CD2AP: variants seen among roughly 807,000 people sequenced by gnomAD.
The protein encoded by CD2AP is CD2 associated protein, also known as CD2-associated protein.
CD2AP carries 46 observed loss-of-function variants against 85.1 expected under a neutral mutation model. The ratio of observed to expected loss-of-function variants is 0.54; its 90% CI spans 0.43 to 0.69. CD2AP has a LOEUF of 0.69. Ranked by LOEUF, CD2AP falls within the 30% of genes least tolerant of loss-of-function variation. The pLI is 0.00. For missense variants in CD2AP, 769 were observed against 729.5 expected, an observed-to-expected ratio of 1.05 and a Z score of -0.62; for synonymous variants, 255 against 252.9, an observed-to-expected ratio of 1.01 and a Z score of -0.08.
chr6:47,624,137 C>G, intron 17 of CD2AP, 49 bp from the exon 18 acceptor site: 1 of 1,425,324 alleles, frequency 7.0e-7, no homozygotes, highest in Non-Finnish European at 9.9e-7. Flanking sequence ...AAATAAACTA[C>G]TAAACTAAGG....
intron 1 of CD2AP, among the ~76,000 whole-genome samples, chr6:47,490,179 T>C (rs1765693064): frequency 6.6e-6 from 1 of 152,130 alleles, no homozygotes; most frequent in African/African-American, 2.4e-5. Flanking sequence ...CATAGGGTCT[T>C]GCCATATTGC....
At chr6:47,609,519 A>G (rs1769370233) in intron 16 of CD2AP, 1 of 354,630 alleles carries the variant, frequency 2.8e-6, no homozygotes. Context: ...TTTGCAAAAA[A>G]AAAAAAAAAA....
chr6:47,519,287 C>T (rs1048747061), intron 2 of CD2AP, among the ~76,000 whole-genome samples: 28 of 152,280 alleles, frequency 1.8e-4, no homozygotes, highest in African/African-American at 6.7e-4. Flanking sequence ...CAGTAAAACA[C>T]AGGAGAATGC....
intron 17 of CD2AP, among the ~76,000 whole-genome samples, chr6:47,619,675 C>T (rs1223319716): frequency 6.6e-6 from 1 of 152,292 alleles, no homozygotes; most frequent in Middle Eastern, 3.4e-3. Context: ...TACTAGTTTA[C>T]GTTCCCACCA....
intron 7 of CD2AP, 139 bp from the exon 8 acceptor site, chr6:47,576,870 A>AT (rs1196818583): frequency 2.6e-5 from 17 of 665,558 alleles, no homozygotes; most frequent in Middle Eastern, 4.0e-4. Flanking sequence ...GGTATTGACT[A>AT]TAAGTATTTT....
chr6:47,561,736 AGAAATGTGT>A (rs1370687034), intron 5 of CD2AP, among the ~76,000 whole-genome samples: 27 of 152,326 alleles, frequency 1.8e-4, no homozygotes, highest in Admixed American at 1.4e-3. Context: ...CATTGACCAT[AGAAATGTGT>A]GAAATGAGTA....
intron 5 of CD2AP, among the ~76,000 whole-genome samples, chr6:47,568,739 G>A (rs191397279): frequency 8.3e-5 from 7 of 84,250 alleles, no homozygotes; most frequent in African/African-American, 1.6e-4. Context: ...GTGAGACTCC[G>A]TCTCAAATAA....
At chr6:47,547,641 A>G (rs1247368174) in intron 4 of CD2AP, among the ~76,000 whole-genome samples, 1 of 152,182 alleles carries the variant, frequency 6.6e-6, no homozygotes, top group Non-Finnish European at 1.5e-5. Flanking sequence ...CAACAAAGAA[A>G]CAGTGAATTT....
intron 2 of CD2AP, among the ~76,000 whole-genome samples, chr6:47,533,159 A>G (rs1766933956): frequency 6.6e-6 from 1 of 152,246 alleles, no homozygotes; most frequent in Non-Finnish European, 1.5e-5. Flanking sequence ...GAACATAGTT[A>G]TATTCATTCA....
At position 47,625,337 on chromosome 6, in the gene CD2AP, A is replaced by G. The variant is rs1257742321; in HGVS notation, c.*1110A>G. 6.6e-6 allele frequency: 1 copy of G among 151,978 alleles called. No homozygotes were observed. The highest frequency in any genetic ancestry group is 1.5e-5 in the Non-Finnish European group (1 of 67,828). 9.4% of individuals were successfully genotyped at this position (151,978 alleles called of 1,614,324 possible). On this transcript the variant is annotated 3_prime_UTR_variant, in exon 18 of 18. Coordinates refer to ENST00000359314, the MANE Select transcript of CD2AP (RefSeq NM_012120.3). ...CTAACTCATGGAGATATTTTGAACT[A>G]TTATTTAGGTACAAACTTTATAAAG... is the stretch of plus-strand genomic sequence containing the variant.
In CD2AP at chr6:47,624,789, G is replaced by A. The variant is rs776946466; in HGVS notation, c.*562G>A. On this transcript the variant is annotated 3_prime_UTR_variant, in exon 18 of 18. Coordinates refer to ENST00000359314, the MANE Select transcript of CD2AP (RefSeq NM_012120.3). ...GTTACACTGTTGTGCCTGTTTGTCTGCAATGCTGTTTATATTTTGGGTGAT... is the reference window on the plus strand; with the variant it reads ...GTTACACTGTTGTGCCTGTTTGTCTACAATGCTGTTTATATTTTGGGTGAT... 6.6e-6 allele frequency: 1 copy of A among 150,858 alleles called. No individual in the cohort carries two copies. Among genetic ancestry groups the A allele is most frequent in the Non-Finnish European group, 1.5e-5 (1 of 67,796 alleles). The allele number at this position is 150,858 out of a possible 1,614,324, so 9.3% of individuals were successfully genotyped here. A position where few individuals can be genotyped will look rare whatever the true frequency, so the allele number is the denominator to read the frequency against.
In CD2AP at chr6:47,599,202, C is replaced by T. The variant is rs1019995335; in HGVS notation, c.1275-99C>T. 4.1e-5 allele frequency: 38 copies of T among 925,410 alleles called. 1 individual carries two copies. The highest frequency in any genetic ancestry group is 1.2e-4 in the Admixed American group (6 of 48,952). The allele number at this position is 925,410 out of a possible 1,614,324, so 57.3% of individuals were successfully genotyped here. A position where few individuals can be genotyped will look rare whatever the true frequency, so the allele number is the denominator to read the frequency against. On this transcript the variant is annotated intron_variant, in intron 12 of 17. Coordinates refer to ENST00000359314, the MANE Select transcript of CD2AP (RefSeq NM_012120.3). ...ATGGTTTTACAGAACAGAAAGTAAT[C>T]GGTATTAGGCCATACAATCTTTAAT...
At chr6:47,530,797 G>C (rs1274888003) in intron 2 of CD2AP, among the ~76,000 whole-genome samples, 3 of 152,106 alleles carry the variant, frequency 2.0e-5, no homozygotes, top group Non-Finnish European at 2.9e-5. Flanking sequence ...ATGTCAAGTA[G>C]TACAAATATA....
intron 3 of CD2AP, among the ~76,000 whole-genome samples, chr6:47,541,278 C>T (rs965960882): frequency 2.0e-5 from 3 of 152,272 alleles, no homozygotes; most frequent in Non-Finnish European, 4.4e-5. Context: ...CACCCACCAC[C>T]ACGCCCGGCT....
At chr6:47,623,878 A>C (rs1322257506) in intron 17 of CD2AP, among the ~76,000 whole-genome samples, 2 of 152,042 alleles carry the variant, frequency 1.3e-5, no homozygotes, top group Non-Finnish European at 2.9e-5. Context: ...GGTTTCAAGG[A>C]TTCTTTTGTT....
At chr6:47,554,395 T>G (rs1758866099) in intron 4 of CD2AP, among the ~76,000 whole-genome samples, 1 of 152,228 alleles carries the variant, frequency 6.6e-6, no homozygotes, top group South Asian at 2.1e-4. Flanking sequence ...CTTCATAGAT[T>G]GCGATTGATT....
intron 2 of CD2AP, among the ~76,000 whole-genome samples, chr6:47,507,477 T>C (rs1028225928): frequency 7.1e-6 from 1 of 140,544 alleles, no homozygotes; most frequent in Non-Finnish European, 1.6e-5. Context: ...AAATGTGGGC[T>C]GGAATTTAGT....
At chr6:47,600,012 A>G (rs971709353) in intron 13 of CD2AP, among the ~76,000 whole-genome samples, 1 of 151,804 alleles carries the variant, frequency 6.6e-6, no homozygotes, top group African/African-American at 2.4e-5. Flanking sequence ...TGTAAAATGT[A>G]AAACTTGAAA....
chr6:47,567,339 A>T (rs1215818758), intron 5 of CD2AP, among the ~76,000 whole-genome samples: 6 of 152,172 alleles, frequency 3.9e-5, no homozygotes, highest in Non-Finnish European at 8.8e-5. Flanking sequence ...GCAAAGGGAA[A>T]TTCTAGATAT....
Sources: allele counts gnomAD v4.1 joint callset (sites outside exome capture counted in the v4.1 genomes callset), GRCh38; gene constraint gnomAD v4.1.1; transcripts MANE v1.5; gene names NCBI Gene and HGNC (gene_info 2026-07-23, HGNC 2026-07-21).